Variants in CHD7 observed in about 807,000 individuals in gnomAD.
CHD7 encodes ATP-dependent chromatin remodeler CHD7.
A neutral mutation model predicts 307.3 loss-of-function variants in CHD7; 24 were observed. That is an observed-to-expected ratio of 0.08 (90% CI 0.06 to 0.11). The LOEUF (loss-of-function observed/expected upper bound fraction) is 0.11. Ranked by LOEUF, CHD7 falls within the 10% of genes least tolerant of loss-of-function variation. The probability of loss-of-function intolerance (pLI) is 1.00; values close to 1 mark genes in which losing one functional copy is unlikely to be tolerated. For synonymous variants in CHD7, 1,363 were observed against 1,349.9 expected (o/e 1.01, Z -0.21); for missense variants, 3,106 against 3,727.1 (o/e 0.83, Z 4.34).
chr8:60,753,089 A>G (rs1450110440), intron 2 of CHD7, among the ~76,000 whole-genome samples: 1 of 152,252 alleles, frequency 6.6e-6, no homozygotes, highest in Non-Finnish European at 1.5e-5. Flanking sequence ...AATGAGAGCT[A>G]TTGAAATGCA....
At chr8:60,693,911 A>T (rs1002272011) in intron 1 of CHD7, among the ~76,000 whole-genome samples, 1 of 152,264 alleles carries the variant, frequency 6.6e-6, no homozygotes, top group African/African-American at 2.4e-5. Flanking sequence ...TGCCAGCACC[A>T]TGGAACCATT....
intron 7 of CHD7, 58 bp from the exon 8 acceptor site, chr8:60,816,329 C>A: frequency 1.1e-6 from 1 of 952,120 alleles, no homozygotes; most frequent in South Asian, 1.5e-5. Context: ...TTGAATAAGA[C>A]ATAATAAAGG....
chr8:60,754,658 C>A (rs1809798211), intron 2 of CHD7, among the ~76,000 whole-genome samples: 1 of 152,140 alleles, frequency 6.6e-6, no homozygotes, highest in African/African-American at 2.4e-5. Context: ...TATTTCTTTT[C>A]AGTTGAATCT....
At chr8:60,714,734 C>T (rs111845982) in intron 1 of CHD7, among the ~76,000 whole-genome samples, 4 of 152,308 alleles carry the variant, frequency 2.6e-5, no homozygotes, top group African/African-American at 9.6e-5. Flanking sequence ...TCTCGGGAGG[C>T]CTTCTCTGGA....
At position 60,782,011 on chromosome 8, in the gene CHD7, A is replaced by C. The variant is rs1168066025; in HGVS notation, c.2096+581A>C. ...TCTAGGGAAGACCCTCTTTCACTCCATATTCCCCCCATCAATTCTCTGACC... is the reference window on the plus strand; with the variant it reads ...TCTAGGGAAGACCCTCTTTCACTCCCTATTCCCCCCATCAATTCTCTGACC... On this transcript the variant is annotated intron_variant, in intron 3 of 37. Coordinates refer to ENST00000423902, the MANE Select transcript of CHD7 (RefSeq NM_017780.4). Among the ~76,000 whole-genome samples the C allele has an allele frequency of 3.9e-5, 6 of 152,282 alleles. 1 individual carries two copies. In the East Asian group the frequency reaches 1.2e-3, roughly 29 times the overall value.
rs781029964 is a variant in CHD7, at chr8:60,816,519, A to G, written c.2613+18A>G. On this transcript the variant is annotated intron_variant, in intron 8 of 37. Coordinates refer to ENST00000423902, the MANE Select transcript of CHD7 (RefSeq NM_017780.4). Reference sequence around the variant, plus strand: ...TTTCAGAGGTACGACATACCTGCTTACTTTTCCAAAGTATTTACTTTGTTA... The same window carrying G: ...TTTCAGAGGTACGACATACCTGCTTGCTTTTCCAAAGTATTTACTTTGTTA... 7.4e-7 allele frequency: 1 copy of G among 1,356,952 alleles called. No individual in the cohort carries two copies. Among genetic ancestry groups the G allele is most frequent in the East Asian group, 2.3e-5 (1 of 42,612 alleles). The allele number at this position is 1,356,952 out of a possible 1,614,324, so 84.1% of individuals were successfully genotyped here.
chr8:60,767,464 G>A (rs1810525045), intron 2 of CHD7, among the ~76,000 whole-genome samples: 1 of 152,224 alleles, frequency 6.6e-6, no homozygotes, highest in African/African-American at 2.4e-5. Flanking sequence ...ATGACTGAAA[G>A]AATGTTGCTA....
chr8:60,855,205 A>G (rs755315939), intron 32 of CHD7: 5 of 152,186 alleles, frequency 3.3e-5, no homozygotes, highest in Admixed American at 3.3e-4. Context: ...TGTGTAAGAA[A>G]CAAGGTGAAA....
intron 1 of CHD7, among the ~76,000 whole-genome samples, chr8:60,718,715 G>C (rs1215132480): frequency 6.6e-6 from 1 of 152,080 alleles, no homozygotes; most frequent in Non-Finnish European, 1.5e-5. Flanking sequence ...ATTCATTATA[G>C]CCTAGGTGTA....
intron 3 of CHD7, among the ~76,000 whole-genome samples, chr8:60,782,104 T>C (rs191196819): frequency 1.6e-4 from 24 of 152,320 alleles, no homozygotes; most frequent in Middle Eastern, 3.4e-3. Context: ...TGAAGACTAA[T>C]TTTTTTCATT....
At chr8:60,822,434 T>G in intron 11 of CHD7, 69 bp from the exon 12 acceptor site, 3 of 1,467,410 alleles carry the variant, frequency 2.0e-6, no homozygotes, top group South Asian at 2.6e-5. Flanking sequence ...TGGTATATAT[T>G]TTGTGAAATG....
In CHD7 at chr8:60,865,935, C is replaced by A. The variant is rs755209060; in HGVS notation, c.*2C>A. On this transcript the variant is annotated 3_prime_UTR_variant, in exon 38 of 38. Transcript: ENST00000423902. The surrounding 1 kb of genome is among the most constrained non-coding windows in gnomAD (Gnocchi z 4.3). ...GAAAACAATGAAAATGATGAATAACCAGTACCAGTTCCAGTTCAAGTGTTT... is the reference window on the plus strand; with the variant it reads ...GAAAACAATGAAAATGATGAATAACAAGTACCAGTTCCAGTTCAAGTGTTT... 1 of 1,592,572 alleles carries A rather than the reference C, an allele frequency of 6.3e-7. No homozygotes were observed. Among genetic ancestry groups the A allele is most frequent in the Non-Finnish European group, 8.6e-7 (1 of 1,168,982 alleles).
Position 60,796,126 on chromosome 8 carries a change from T to C in CHD7, c.2238+999T>C, listed in dbSNP as rs151136437. ...CCCTGATACCTATAACTTCACAGAATAGCCTTAAGCTAGACCTGAAAGGGA... is the reference window on the plus strand; with the variant it reads ...CCCTGATACCTATAACTTCACAGAACAGCCTTAAGCTAGACCTGAAAGGGA... On this transcript the variant is annotated intron_variant, in intron 4 of 37. Transcript: ENST00000423902. 2.8e-3 allele frequency among the ~76,000 whole-genome samples: 429 copies of C among 152,338 alleles called. 5 individuals carry two copies. The highest frequency in any genetic ancestry group is 9.9e-3 in the African/African-American group (410 of 41,574).
At chr8:60,838,293 A>G (rs1804826258) in intron 19 of CHD7, 38 bp downstream of exon 19, 2 of 1,558,986 alleles carry the variant, frequency 1.3e-6, no homozygotes, top group Non-Finnish European at 1.7e-6. Context: ...TTTCCATAGA[A>G]GCATGACAGA....
Position 60,798,246 on chromosome 8 carries a change from A to G in CHD7, c.2239-2142A>G, listed in dbSNP as rs1379760988. Among the ~76,000 whole-genome samples the G allele has an allele frequency of 3.9e-5, 6 of 152,298 alleles. No individual in the cohort carries two copies. The East Asian group carries it at 1.2e-3, about 29-fold the overall frequency. ...CCTGGGATTGATCTGGGCAGTGCCA[A>G]AGCTTTGTCCTGTAGAGGAGGGTCC... On this transcript the variant is annotated intron_variant, in intron 4 of 37. Transcript: ENST00000423902.
At chr8:60,832,898 G>A (rs766651599) in intron 15 of CHD7, among the ~76,000 whole-genome samples, 1 of 152,154 alleles carries the variant, frequency 6.6e-6, no homozygotes, top group Non-Finnish European at 1.5e-5. Flanking sequence ...TGTCCTAATT[G>A]GTCACACCTT....
chr8:60,800,249 G>T, intron 4 of CHD7, 139 bp from the exon 5 acceptor site: 2 of 654,390 alleles, frequency 3.1e-6, no homozygotes, highest in South Asian at 4.6e-5. Flanking sequence ...AGCCAGGATG[G>T]TCTCGATCTC....
intron 1 of CHD7, 34 bp downstream of exon 1, chr8:60,679,116 G>T: frequency 6.3e-6 from 1 of 159,026 alleles, no homozygotes; most frequent in South Asian, 1.7e-4. Context: ...GCCCCCGGGA[G>T]GGGCGGCGGC....
intron 2 of CHD7, among the ~76,000 whole-genome samples, chr8:60,749,574 C>G (rs1177577853): frequency 6.8e-6 from 1 of 147,438 alleles, no homozygotes; most frequent in East Asian, 2.0e-4. Flanking sequence ...CTAAAGACAT[C>G]TGGGAAAGAT....
Sources: gnomAD v4.1 joint callset for allele counts (sites outside exome capture counted in the v4.1 genomes callset) on GRCh38, gnomAD v4.1.1 for gene constraint, Gnocchi (gnomAD v3.1) non-coding constraint, MANE v1.5 for transcripts, NCBI Gene and HGNC (gene_info 2026-07-23, HGNC 2026-07-21) for gene names.